Variants in RAP1GAP2 observed in about 807,000 individuals in gnomAD.
RAP1GAP2 encodes RAP1 GTPase activating protein 2, also known as rap1 GTPase-activating protein 2.
A neutral mutation model predicts 95.0 loss-of-function variants in RAP1GAP2; 27 were observed. The observed-to-expected ratio is 0.28, with a 90% CI of 0.21 to 0.39. RAP1GAP2 has a LOEUF of 0.39. Among genes scored for constraint, RAP1GAP2 ranks in the 10% least tolerant of loss-of-function variants. RAP1GAP2 has a pLI of 1.00. For missense variants in RAP1GAP2, 771 were observed against 970.0 expected (o/e 0.79, Z 2.72); for synonymous variants, 373 against 380.9 (o/e 0.98, Z 0.24).
intron 17 of RAP1GAP2, 112 bp from the exon 18 acceptor site, chr17:3,017,949 A>G (rs868472594): frequency 1.4e-3 from 1,074 of 762,100 alleles, no homozygotes; most frequent in Middle Eastern, 1.6e-3. Flanking sequence ...GTGTGTGTGT[A>G]TGTGTGCACG....
At chr17:2,886,203 C>T (rs1324002048) in intron 2 of RAP1GAP2, among the ~76,000 whole-genome samples, 2 of 142,908 alleles carry the variant, frequency 1.4e-5, no homozygotes, top group South Asian at 2.2e-4. Flanking sequence ...GCCGGAGTCT[C>T]GCTGTGTCCC....
intron 2 of RAP1GAP2, among the ~76,000 whole-genome samples, chr17:2,854,978 G>C (rs538685757): frequency 6.6e-6 from 1 of 152,170 alleles, no homozygotes; most frequent in South Asian, 2.1e-4. Flanking sequence ...AGTTTCCAGA[G>C]GAGTTTTGGA....
Position 3,005,345 on chromosome 17 carries a change from G to A in RAP1GAP2, c.1201-24G>A, listed in dbSNP as rs374345674. On this transcript the variant is annotated intron_variant, in intron 14 of 24. Transcript: ENST00000254695. The surrounding 1 kb of genome is among the most constrained non-coding windows in gnomAD (Gnocchi z 5.2). The stretch of plus-strand genomic sequence containing the variant: ...GCGCTCGTCTCTTCCCTCCAGGTCC[G>A]TACCATGACTCTGTTTCACTCAGGT... 361 of 1,609,368 alleles carry A rather than the reference G, an allele frequency of 2.2e-4. No individual in the cohort carries two copies. The highest frequency in any genetic ancestry group is 4.7e-4 in the Admixed American group (28 of 59,990).
Position 2,975,935 on chromosome 17 carries a change from T to C in RAP1GAP2, c.597-4352T>C, listed in dbSNP as rs560630459. 2.0e-5 allele frequency among the ~76,000 whole-genome samples: 3 copies of C among 152,326 alleles called. No individual in the cohort carries two copies. The South Asian group carries it at 6.2e-4, about 32-fold the overall frequency. On this transcript the variant is annotated intron_variant, in intron 8 of 24. Transcript: ENST00000254695. Reference sequence around the variant, plus strand: ...AACTGGGCAGGGAAAGAGTCCTTTTTCTAGGTCCCCCAGAGGCCTTGGCCT... The same window carrying C: ...AACTGGGCAGGGAAAGAGTCCTTTTCCTAGGTCCCCCAGAGGCCTTGGCCT...
rs200978637 is a variant in RAP1GAP2 at position 2,957,813 on chromosome 17, C to A, written c.201+19C>A. On this transcript the variant is annotated intron_variant, in intron 4 of 24. Transcript: ENST00000254695. ...AATGCAGGTGAGTACGTACCCCCAC[C>A]GTGGCGGGGAAGAAGCCCAGCCCCA... 1.4e-5 allele frequency: 22 copies of A among 1,572,030 alleles called. No individual in the cohort carries two copies. In the South Asian group the frequency reaches 2.5e-4, roughly 18 times the overall value.
intron 1 of RAP1GAP2, among the ~76,000 whole-genome samples, chr17:2,770,177 G>A (rs1041391063): frequency 3.3e-5 from 5 of 151,800 alleles, no homozygotes; most frequent in Admixed American, 3.3e-4. Context: ...TCTTAATGAT[G>A]GCCCTCTGGA....
intron 17 of RAP1GAP2, among the ~76,000 whole-genome samples, chr17:3,016,407 C>T (rs12453009): frequency 1.1e-3 from 161 of 152,222 alleles, no homozygotes; most frequent in Non-Finnish European, 1.7e-3. Flanking sequence ...CAGTGGGGAG[C>T]TCAGGGAGCA....
At chr17:2,802,278 G>A (rs2069333812) in intron 2 of RAP1GAP2, among the ~76,000 whole-genome samples, 1 of 152,186 alleles carries the variant, frequency 6.6e-6, no homozygotes, top group African/African-American at 2.4e-5. Flanking sequence ...CTTGACGGTT[G>A]GCATAAAAGA....
intron 2 of RAP1GAP2, among the ~76,000 whole-genome samples, chr17:2,822,913 G>GGTC (rs2070372915): frequency 1.3e-5 from 2 of 152,030 alleles, no homozygotes; most frequent in Non-Finnish European, 2.9e-5. Context: ...AGGAGTTCTA[G>GGTC]ACCAGCCTGA....
At chr17:2,942,830 T>G (rs943287627) in intron 3 of RAP1GAP2, among the ~76,000 whole-genome samples, 2 of 152,084 alleles carry the variant, frequency 1.3e-5, no homozygotes, top group African/African-American at 4.8e-5. Context: ...TGAAGTGGTG[T>G]GATATTGGCT....
chr17:2,794,729 C>T (rs1252914969), upstream of RAP1GAP2, among the ~76,000 whole-genome samples: 2 of 152,156 alleles, frequency 1.3e-5, no homozygotes, highest in African/African-American at 2.4e-5. Flanking sequence ...TTGTACCCTT[C>T]GTCCACAAGC....
intron 3 of RAP1GAP2, among the ~76,000 whole-genome samples, chr17:2,935,352 A>G (rs562115755): frequency 6.6e-6 from 1 of 152,270 alleles, no homozygotes; most frequent in East Asian, 1.9e-4. Flanking sequence ...TACTAAATAC[A>G]AAAAATAAGC....
At chr17:2,778,965 C>T (rs1020803721) in intron 1 of RAP1GAP2, among the ~76,000 whole-genome samples, 6 of 152,240 alleles carry the variant, frequency 3.9e-5, no homozygotes, top group Admixed American at 3.3e-4. Context: ...AAGGGTGGCT[C>T]TGTGGACATT....
intron 2 of RAP1GAP2, chr17:2,853,898 G>A: frequency 1.0e-6 from 1 of 977,278 alleles, no homozygotes; most frequent in Non-Finnish European, 1.2e-6. Flanking sequence ...CGGAGGCCGG[G>A]GGCCGGGGCG....
chr17:3,026,225 A>G (rs1265974620), intron 20 of RAP1GAP2, 104 bp downstream of exon 20: 26 of 1,289,206 alleles, frequency 2.0e-5, no homozygotes, highest in Non-Finnish European at 2.8e-5. Context: ...TGCCTCTGGA[A>G]CTCTCCAGAA....
At chr17:2,934,067 TC>T (rs962554755) in intron 3 of RAP1GAP2, among the ~76,000 whole-genome samples, 16 of 152,246 alleles carry the variant, frequency 1.1e-4, no homozygotes, top group African/African-American at 3.9e-4. Context: ...ACGGATGGCG[TC>T]CGTCATCCAT....
chr17:2,815,456 A>ATATTATTATTATTATTATTACTAT (rs2069967825), intron 2 of RAP1GAP2, among the ~76,000 whole-genome samples: 2 of 140,138 alleles, frequency 1.4e-5, no homozygotes, highest in Non-Finnish European at 3.1e-5. Context: ...AACATCTCTG[A>ATATTATTATTATTATTATTACTAT]TATTATTATT....
In RAP1GAP2 at chr17:3,005,377, C is replaced by T. The variant is rs1001445470; in HGVS notation, c.1209C>T (p.Val403=). ...GTETPSYKVS[V]TAREDVPTFG... Reference sequence around the variant, plus strand: ...GACTCTGTTTCACTCAGGTCTCTGTCACTGCGCGGGAAGATGTGCCCACCT... The same window carrying T: ...GACTCTGTTTCACTCAGGTCTCTGTTACTGCGCGGGAAGATGTGCCCACCT... The change falls in exon 15 of 25, where the codon GTC becomes GTT. Residue 403 remains valine, a synonymous_variant. Transcript: ENST00000254695. This position sits in a 1 kb window ranked among gnomAD's most constrained non-coding sequence, Gnocchi z 5.2. The T allele has an allele frequency of 6.2e-7, 1 of 1,613,868 alleles. No homozygotes were observed. Among genetic ancestry groups the T allele is most frequent in the Non-Finnish European group, 8.5e-7 (1 of 1,179,766 alleles).
At chr17:2,896,896 G>T (rs2041847078) in intron 2 of RAP1GAP2, among the ~76,000 whole-genome samples, 1 of 152,202 alleles carries the variant, frequency 6.6e-6, no homozygotes. Context: ...CCTGCGCAGG[G>T]TGTAGCCTGC....
Sources: gnomAD v4.1 joint callset for allele counts (sites outside exome capture counted in the v4.1 genomes callset) on GRCh38, gnomAD v4.1.1 for gene constraint, Gnocchi (gnomAD v3.1) non-coding constraint, MANE v1.5 for transcripts, NCBI Gene and HGNC (gene_info 2026-07-23, HGNC 2026-07-21) for gene names.